The following IWS1 variants were observed in gnomAD, a reference collection of about 807,000 sequenced individuals.
The protein encoded by IWS1 is interacts with SUPT6H, CTD assembly factor 1.
IWS1 carries 27 observed loss-of-function variants against 86.7 expected under a neutral mutation model. The ratio of observed to expected loss-of-function variants is 0.31; its 90% CI spans 0.23 to 0.43. The LOEUF (loss-of-function observed/expected upper bound fraction) is 0.43. Among genes scored for constraint, IWS1 ranks in the 20% least tolerant of loss-of-function variants. The probability of loss-of-function intolerance (pLI) is 1.00; values close to 1 mark genes in which losing one functional copy is unlikely to be tolerated. For synonymous variants in IWS1, 313 were observed against 335.1 expected, an observed-to-expected ratio of 0.93 and a Z score of 0.72; for missense variants, 827 against 1,000.8, an observed-to-expected ratio of 0.83 and a Z score of 2.34.
At chr2:127,493,956 CCT>C (rs1223831196) in intron 8 of IWS1, among the ~76,000 whole-genome samples, 2 of 151,796 alleles carry the variant, frequency 1.3e-5, no homozygotes, top group Non-Finnish European at 2.9e-5. Flanking sequence ...GATAGTTTCC[CCT>C]GTTAGAATAG....
intron 2 of IWS1, among the ~76,000 whole-genome samples, chr2:127,507,722 C>A (rs1691217348): frequency 1.3e-5 from 2 of 152,160 alleles, no homozygotes; most frequent in African/African-American, 4.8e-5. Flanking sequence ...CTGAGGTATC[C>A]TCAGAGTGCA....
chr2:127,507,837 C>G lies in IWS1; in HGVS notation c.151-2085G>C, dbSNP rs1436299655. On this transcript the variant is annotated intron_variant, in intron 2 of 13. Coordinates refer to ENST00000295321, the MANE Select transcript of IWS1 (RefSeq NM_017969.3). Reference sequence around the variant, plus strand: ...AAACTTCTTGAGCACTGACATGACACCACAAGTGGAAAATTCCACACATAA... The same window carrying G: ...AAACTTCTTGAGCACTGACATGACAGCACAAGTGGAAAATTCCACACATAA... Among the ~76,000 whole-genome samples the G allele has an allele frequency of 3.3e-5, 5 of 152,272 alleles. No individual in the cohort carries two copies. The East Asian group carries it at 5.8e-4, about 18-fold the overall frequency.
intron 2 of IWS1, among the ~76,000 whole-genome samples, chr2:127,522,260 G>A (rs540740641): frequency 2.6e-5 from 4 of 151,964 alleles, no homozygotes; most frequent in Non-Finnish European, 4.4e-5. Flanking sequence ...ATATCCACAC[G>A]GCTATTCCTT....
At chr2:127,494,119 G>A (rs888667404) in intron 8 of IWS1, among the ~76,000 whole-genome samples, 3 of 151,850 alleles carry the variant, frequency 2.0e-5, no homozygotes, top group Admixed American at 6.6e-5. Flanking sequence ...ATCAGGGCCC[G>A]GTGTGGTGGC....
intron 7 of IWS1, 21 bp from the exon 8 acceptor site, chr2:127,494,975 GATTTT>G (rs1558747315): frequency 1.4e-6 from 2 of 1,465,930 alleles, no homozygotes; most frequent in Non-Finnish European, 1.9e-6. Flanking sequence ...AAAAAATAAA[GATTTT>G]TTTTTAAAAC....
intron 12 of IWS1, 26 bp from the exon 13 acceptor site, chr2:127,486,690 G>C: frequency 6.4e-7 from 1 of 1,574,046 alleles, no homozygotes; most frequent in Admixed American, 1.7e-5. Context: ...GGAAGAGCAT[G>C]CTTCTTATGT....
intron 10 of IWS1, chr2:127,491,036 G>A (rs1467484987): frequency 3.3e-5 from 5 of 152,116 alleles, no homozygotes; most frequent in African/African-American, 4.8e-5. Flanking sequence ...AAACAAACAC[G>A]GGTTTCATTC....
At chr2:127,491,207 T>TG (rs1376878354) in intron 10 of IWS1, among the ~76,000 whole-genome samples, 4 of 152,272 alleles carry the variant, frequency 2.6e-5, no homozygotes, top group Non-Finnish European at 5.9e-5. Flanking sequence ...GTACTTACTA[T>TG]GTGCTAAGCA....
intron 13 of IWS1, among the ~76,000 whole-genome samples, chr2:127,483,598 G>GGGGGGGGGGGT (rs1689763605): frequency 4.6e-5 from 1 of 21,822 alleles, no homozygotes; most frequent in Non-Finnish European, 1.2e-4. Flanking sequence ...GGGTGGGGGG[G>GGGGGGGGGGGT]TTGGGCTGTG....
At chr2:127,486,006 G>A (rs932201556) in intron 13 of IWS1, 6 of 153,064 alleles carry the variant, frequency 3.9e-5, no homozygotes, top group East Asian at 3.8e-4. Context: ...TTTTCCAATC[G>A]GCTTAGGCCC....
At chr2:127,486,335 G>C (rs1296139129) in intron 13 of IWS1, 3 of 414,592 alleles carry the variant, frequency 7.2e-6, no homozygotes, top group Non-Finnish European at 1.3e-5. Context: ...GTTGAATTAA[G>C]ACTGAAGAAA....
intron 6 of IWS1, among the ~76,000 whole-genome samples, chr2:127,496,997 G>A (rs762101586): frequency 2.0e-5 from 3 of 152,168 alleles, no homozygotes; most frequent in African/African-American, 4.8e-5. Context: ...GGTGCGATAG[G>A]TTTTACCATA....
intron 9 of IWS1, chr2:127,493,033 T>G (rs1573514869): frequency 3.6e-6 from 1 of 279,380 alleles, no homozygotes; most frequent in East Asian, 6.6e-5. Flanking sequence ...TGCCCACTAC[T>G]GTACTACTCT....
rs1691122972 is a variant in IWS1 at position 127,505,892 on chromosome 2, T to C, written c.151-140A>G. On this transcript the variant is annotated intron_variant, in intron 2 of 13. Coordinates refer to ENST00000295321, the MANE Select transcript of IWS1 (RefSeq NM_017969.3). This position sits in a 1 kb window ranked among gnomAD's most constrained non-coding sequence, Gnocchi z 5.0. Reference sequence around the variant, plus strand: ...ATGGAGAATTCTTGTCCTATACCCATATAGAAACACCCCCACAGAAAGCCA... The same window carrying C: ...ATGGAGAATTCTTGTCCTATACCCACATAGAAACACCCCCACAGAAAGCCA... The C allele has an allele frequency of 3.5e-6, 2 of 564,274 alleles. No individual in the cohort carries two copies. The highest frequency in any genetic ancestry group is 2.9e-5 in the South Asian group (1 of 34,966). 35.0% of individuals were successfully genotyped at this position (564,274 alleles called of 1,614,324 possible).
At chr2:127,495,945 C>T in intron 7 of IWS1, 53 bp downstream of exon 7, 1 of 1,491,884 alleles carries the variant, frequency 6.7e-7, no homozygotes, top group Non-Finnish European at 9.0e-7. Flanking sequence ...AAAGGGCATC[C>T]AATAAACTCA....
intron 13 of IWS1, chr2:127,485,876 C>G (rs890544017): frequency 6.6e-6 from 1 of 152,454 alleles, no homozygotes; most frequent in Non-Finnish European, 1.5e-5. Flanking sequence ...GGGAATACCT[C>G]TCGTGTATAT....
intron 1 of IWS1, 129 bp from the exon 2 acceptor site, chr2:127,523,920 C>T: frequency 1.5e-6 from 1 of 648,318 alleles, no homozygotes; most frequent in Non-Finnish European, 2.7e-6. Flanking sequence ...ACTAAAGTTG[C>T]TAATATTTTG....
rs190054037 is a variant in IWS1 at position 127,499,505 on chromosome 2, A to T, written c.1468-1268T>A. ...ACCTAGTACAATTTTTTTCTAACTG[A>T]ACTGAAACTATAACCAAGTTGATGT... On this transcript the variant is annotated intron_variant, in intron 5 of 13. Transcript: ENST00000295321. This position sits in a 1 kb window ranked among gnomAD's most constrained non-coding sequence, Gnocchi z 4.0. Among the ~76,000 whole-genome samples the T allele has an allele frequency of 3.3e-5, 5 of 152,256 alleles. No homozygotes were observed. Among genetic ancestry groups the T allele is most frequent in the Admixed American group, 2.0e-4 (3 of 15,288 alleles).
intron 2 of IWS1, among the ~76,000 whole-genome samples, chr2:127,522,228 G>C (rs574696165): frequency 5.7e-4 from 87 of 152,026 alleles, no homozygotes; most frequent in Non-Finnish European, 9.7e-4. Context: ...CTTTGCCAGG[G>C]ATGTTCTTCC....
Sources: gnomAD v4.1 joint callset for allele counts (sites outside exome capture counted in the v4.1 genomes callset) on GRCh38, gnomAD v4.1.1 for gene constraint, Gnocchi (gnomAD v3.1) non-coding constraint, MANE v1.5 for transcripts, NCBI Gene and HGNC (gene_info 2026-07-23, HGNC 2026-07-21) for gene names.